The following BDKRB2 variants were observed in gnomAD, a reference collection of about 807,000 sequenced individuals.
The protein encoded by BDKRB2 is B2 bradykinin receptor.
In BDKRB2, 6 loss-of-function variants were observed where a neutral mutation model predicts 4.0. The observed-to-expected ratio is 1.49, with a 90% confidence interval of 0.81 to 2.93. The LOEUF is 2.93. Ranked by LOEUF, BDKRB2 falls within the 30% of genes most tolerant of loss-of-function variation. BDKRB2 has a pLI of 0.00. For synonymous variants in BDKRB2, 225 were observed against 215.3 expected (o/e 1.05, Z -0.40); for missense variants, 478 against 520.1 (o/e 0.92, Z 0.79).
chr14:96,227,912 T>G (rs958643365), intron 1 of BDKRB2, among the ~76,000 whole-genome samples: 1 of 152,190 alleles, frequency 6.6e-6, no homozygotes, highest in African/African-American at 2.4e-5. Flanking sequence ...CTGCCAATTT[T>G]GCTGACCTAT....
chr14:96,238,831 A>C, intron 2 of BDKRB2: 1 of 986,100 alleles, frequency 1.0e-6, no homozygotes, highest in Non-Finnish European at 1.2e-6. Context: ...TGCTCCCTCC[A>C]GGGCACCCTC....
At chr14:96,237,940 AAGAT>A in intron 2 of BDKRB2, 1 of 1,217,724 alleles carries the variant, frequency 8.2e-7, no homozygotes, top group Non-Finnish European at 1.0e-6. Flanking sequence ...TAGCTCATGA[AAGAT>A]GACAGACTCT....
At chr14:96,238,077 G>A in intron 2 of BDKRB2, 1 of 1,063,178 alleles carries the variant, frequency 9.4e-7, no homozygotes, top group Non-Finnish European at 1.1e-6. Flanking sequence ...GAGGCTGCAA[G>A]TTTTCATGGG....
Position 96,237,131 on chromosome 14 carries a change from A to G in BDKRB2, c.24A>G (p.Ser8=). 1 of 1,614,008 alleles carries G rather than the reference A, an allele frequency of 6.2e-7. No homozygotes were observed. The highest frequency in any genetic ancestry group is 8.5e-7 in the Non-Finnish European group (1 of 1,179,918). MFSPWKI[S]MFLSVREDSV... ...AAATGTTCTCTCCCTGGAAGATATC[A>G]ATGTTTCTGTCTGTTCGTGAGGACT... The change falls in exon 2 of 3, where the codon TCA becomes TCG. Residue 8 remains serine (S), a synonymous_variant. Coordinates refer to ENST00000554311, the MANE Select transcript of BDKRB2 (RefSeq NM_001379692.1).
At chr14:96,238,833 G>T (rs796625635) in intron 2 of BDKRB2, 5 of 986,538 alleles carry the variant, frequency 5.1e-6, no homozygotes, top group Non-Finnish European at 6.0e-6. Context: ...CTCCCTCCAG[G>T]GCACCCTCCA....
chr14:96,239,525 C>A, intron 2 of BDKRB2: 1 of 985,386 alleles, frequency 1.0e-6, no homozygotes, highest in South Asian at 4.7e-5. Context: ...AAGATGAGGT[C>A]ACCAACAAAC....
chr14:96,220,848 C>T (rs1311273267), intron 1 of BDKRB2, among the ~76,000 whole-genome samples: 2 of 152,064 alleles, frequency 1.3e-5, no homozygotes, highest in African/African-American at 4.8e-5. Flanking sequence ...ACTGAGGCTA[C>T]CTGGAGTGCG....
chr14:96,229,292 A>G (rs1467346442), intron 1 of BDKRB2, among the ~76,000 whole-genome samples: 2 of 152,154 alleles, frequency 1.3e-5, no homozygotes, highest in Non-Finnish European at 2.9e-5. Flanking sequence ...AGTCAGAGAA[A>G]CAGAACCAAT....
rs1201837371 is a variant in BDKRB2, at chr14:96,205,730, G to C, written c.-40+771G>C. Among the ~76,000 whole-genome samples the C allele has an allele frequency of 4.6e-5, 7 of 152,224 alleles. No homozygotes were observed. In the East Asian group the frequency reaches 1.3e-3, roughly 29 times the overall value. ...TTTGTCCTGTCTCCTGAGCTATAAA[G>C]AAGACCTGGAAGTTCCTCTTTATGC... On this transcript the variant is annotated intron_variant, in intron 1 of 2. Transcript: ENST00000554311.
Position 96,241,681 on chromosome 14 carries a change from C to T in BDKRB2, c.*177C>T. ...CTGCCCAATTTTGCAGGGAGCATGG[C>T]TGTGAGGATGGGGTGAACTCACGCA... On this transcript the variant is annotated 3_prime_UTR_variant, in exon 3 of 3. Coordinates refer to ENST00000554311, the MANE Select transcript of BDKRB2 (RefSeq NM_001379692.1). 1.8e-6 allele frequency: 2 copies of T among 1,092,030 alleles called. No homozygotes were observed. The highest frequency in any genetic ancestry group is 2.5e-6 in the Non-Finnish European group (2 of 813,994). 67.6% of individuals were successfully genotyped at this position (1,092,030 alleles called of 1,614,324 possible).
At chr14:96,207,134 A>C (rs541337644) in intron 1 of BDKRB2, among the ~76,000 whole-genome samples, 2 of 152,338 alleles carry the variant, frequency 1.3e-5, no homozygotes, top group South Asian at 4.1e-4. Flanking sequence ...CATTTGGATC[A>C]TAGCACCGGG....
At chr14:96,238,554 A>C (rs1885173472) in intron 2 of BDKRB2, 9 of 985,756 alleles carry the variant, frequency 9.1e-6, no homozygotes, top group Non-Finnish European at 1.1e-5. Context: ...TCACTTCCTT[A>C]GCACCCAGTG....
chr14:96,237,238 A>G, intron 2 of BDKRB2, 57 bp downstream of exon 2: 1 of 1,485,586 alleles, frequency 6.7e-7, no homozygotes, highest in Non-Finnish European at 9.4e-7. Context: ...GACACCCTGG[A>G]GAACTCCCTG....
At chr14:96,231,712 C>T (rs751903593) in intron 1 of BDKRB2, among the ~76,000 whole-genome samples, 2 of 152,136 alleles carry the variant, frequency 1.3e-5, no homozygotes, top group Non-Finnish European at 2.9e-5. Flanking sequence ...ATTTACAGAG[C>T]GAATATTGTT....
chr14:96,238,830 C>T (rs1218739140), intron 2 of BDKRB2: 12 of 986,232 alleles, frequency 1.2e-5, no homozygotes, highest in Non-Finnish European at 1.4e-5. Context: ...CTGCTCCCTC[C>T]AGGGCACCCT....
chr14:96,223,378 T>C (rs997322802), intron 1 of BDKRB2: 2 of 816,094 alleles, frequency 2.5e-6, no homozygotes, highest in Non-Finnish European at 4.4e-6. Context: ...GACTCAAGCT[T>C]TACACAGCTG....
At chr14:96,212,453 A>T (rs2139768265) in intron 1 of BDKRB2, among the ~76,000 whole-genome samples, 1 of 152,358 alleles carries the variant, frequency 6.6e-6, no homozygotes, top group East Asian at 1.9e-4. Context: ...CCAAAAAAGT[A>T]GAAGAAAGAA....
chr14:96,232,384 G>A (rs11624205), intron 1 of BDKRB2, among the ~76,000 whole-genome samples: 3,105 of 152,318 alleles, frequency 0.02, 58 homozygotes, highest in Middle Eastern at 0.062. Flanking sequence ...CTTCCCGTCC[G>A]TAATGCACGT....
At chr14:96,235,809 A>G (rs77205639) in intron 1 of BDKRB2, among the ~76,000 whole-genome samples, 3 of 140,292 alleles carry the variant, frequency 2.1e-5, no homozygotes, top group African/African-American at 7.5e-5. Context: ...CCACATACCC[A>G]CACATGCACA....
Sources: allele counts gnomAD v4.1 joint callset (sites outside exome capture counted in the v4.1 genomes callset), GRCh38; gene constraint gnomAD v4.1.1; transcripts MANE v1.5; gene names NCBI Gene and HGNC (gene_info 2026-07-23, HGNC 2026-07-21).